PTPRD: variants seen among roughly 807,000 people sequenced by gnomAD.
The protein encoded by PTPRD is protein tyrosine phosphatase receptor type D, also known as receptor-type tyrosine-protein phosphatase delta.
A neutral mutation model predicts 214.5 loss-of-function variants in PTPRD; 34 were observed. The observed-to-expected ratio is 0.16, with a 90% CI of 0.12 to 0.21. PTPRD has a LOEUF of 0.21. Ranked by LOEUF, PTPRD falls within the 10% of genes least tolerant of loss-of-function variation. PTPRD has a pLI of 1.00. For missense variants in PTPRD, 2,545 were observed against 2,398.7 expected, an observed-to-expected ratio of 1.06 and a Z score of -1.27; for synonymous variants, 1,128 against 845.7, an observed-to-expected ratio of 1.33 and a Z score of -5.79.
chr9:9,587,204 G>A (rs1401428951), intron 7 of PTPRD, among the ~76,000 whole-genome samples: 2 of 151,884 alleles, frequency 1.3e-5, no homozygotes, highest in Non-Finnish European at 2.9e-5. Context: ...CTTAACTTAA[G>A]GAGGCCTAAA....
intron 39 of PTPRD, among the ~76,000 whole-genome samples, chr9:8,367,162 T>A (rs2080141462): frequency 6.6e-6 from 1 of 152,208 alleles, no homozygotes; most frequent in African/African-American, 2.4e-5. Context: ...TAAAAGGTTA[T>A]AATTAAAGTA....
At chr9:9,999,804 G>A (rs755567383) in intron 4 of PTPRD, among the ~76,000 whole-genome samples, 44 of 152,204 alleles carry the variant, frequency 2.9e-4, no homozygotes, top group Admixed American at 1.3e-3. Context: ...AAGTTTGACG[G>A]GACTTTTTAC....
At chr9:9,140,160 G>C (rs80043456) in intron 10 of PTPRD, among the ~76,000 whole-genome samples, 5,508 of 150,818 alleles carry the variant, frequency 0.037, 349 homozygotes, top group African/African-American at 0.13. Flanking sequence ...TCCCTTCATA[G>C]GAGTTGGGTC....
chr9:8,920,089 C>T (rs1050224559), intron 11 of PTPRD, among the ~76,000 whole-genome samples: 1 of 151,998 alleles, frequency 6.6e-6, no homozygotes, highest in Non-Finnish European at 1.5e-5. Flanking sequence ...AGCTGTAATC[C>T]TAGCACTTTG....
Position 8,632,121 on chromosome 9 carries a change from T to TTGTGTGTGTG in PTPRD, c.352+1186_352+1195dup, listed in dbSNP as rs146691738. 5.1e-3 allele frequency among the ~76,000 whole-genome samples: 742 copies of TTGTGTGTGTG among 144,670 alleles called. 3 individuals carry two copies. Among genetic ancestry groups the TTGTGTGTGTG allele is most frequent in the Admixed American group, 0.026 (378 of 14,366 alleles). 94.9% of individuals were successfully genotyped at this position (144,670 alleles called of 152,430 possible). ...TTTCTCAGCCTCTTGAATTGCTTCT[T>TTGTGTGTGTG]TGTGTGTGTGTGTGTGTGTGTGTGT... is the stretch of plus-strand genomic sequence containing the variant. On this transcript the variant is annotated intron_variant, in intron 14 of 45. Coordinates refer to ENST00000381196, the MANE Select transcript of PTPRD (RefSeq NM_002839.4).
At chr9:9,739,256 A>C (rs370369723) in intron 6 of PTPRD, among the ~76,000 whole-genome samples, 3 of 152,214 alleles carry the variant, frequency 2.0e-5, no homozygotes, top group South Asian at 4.1e-4. Context: ...CCTTGTCTTT[A>C]TCTCAAAAGG....
At chr9:8,752,325 A>C (rs1299970957) in intron 11 of PTPRD, among the ~76,000 whole-genome samples, 1 of 152,136 alleles carries the variant, frequency 6.6e-6, no homozygotes, top group Non-Finnish European at 1.5e-5. Flanking sequence ...TCACTGCTAC[A>C]CTTTCAACAG....
intron 12 of PTPRD, among the ~76,000 whole-genome samples, chr9:8,651,764 T>C (rs189545100): frequency 7.9e-5 from 12 of 152,302 alleles, no homozygotes; most frequent in Admixed American, 5.2e-4. Context: ...TTGGCCAATC[T>C]TTTTGTTACC....
intron 11 of PTPRD, among the ~76,000 whole-genome samples, chr9:8,774,672 T>C (rs1463762583): frequency 3.3e-5 from 5 of 151,702 alleles, no homozygotes; most frequent in African/African-American, 7.3e-5. Context: ...GTAGCTGGGA[T>C]TACAGGCATG....
intron 3 of PTPRD, among the ~76,000 whole-genome samples, chr9:10,252,866 C>A (rs1225257713): frequency 6.6e-6 from 1 of 152,088 alleles, no homozygotes; most frequent in Admixed American, 6.6e-5. Flanking sequence ...TCACTGCAAC[C>A]TCCGCCTCCC....
intron 11 of PTPRD, among the ~76,000 whole-genome samples, chr9:8,751,260 C>T (rs2093494984): frequency 6.6e-6 from 1 of 152,004 alleles, no homozygotes. Context: ...AAGTAAAGTA[C>T]CTGACATTAG....
At chr9:8,528,845 C>G (rs2139497634) in intron 14 of PTPRD, 66 bp from the exon 15 acceptor site, 1 of 1,501,900 alleles carries the variant, frequency 6.7e-7, no homozygotes, top group South Asian at 1.2e-5. Flanking sequence ...CAAGAGATTC[C>G]CCAGAAATCT....
intron 11 of PTPRD, among the ~76,000 whole-genome samples, chr9:8,879,937 C>CT: frequency 6.6e-6 from 1 of 152,286 alleles, no homozygotes; most frequent in Admixed American, 6.5e-5. Context: ...GGAGCAACCT[C>CT]TTGGCAGAAA....
intron 3 of PTPRD, among the ~76,000 whole-genome samples, chr9:10,050,209 G>A (rs914109370): frequency 6.6e-6 from 1 of 151,822 alleles, no homozygotes; most frequent in African/African-American, 2.4e-5. Context: ...TATGTTTCAG[G>A]GGCAGTAGGT....
intron 7 of PTPRD, among the ~76,000 whole-genome samples, chr9:9,667,941 A>T (rs933796451): frequency 2.0e-5 from 3 of 152,164 alleles, no homozygotes; most frequent in African/African-American, 7.2e-5. Context: ...ATATTTCTAA[A>T]TAAAGACTTA....
At chr9:8,331,529 C>G (rs1841079992) in intron 44 of PTPRD, 53 bp downstream of exon 44, 1 of 1,571,146 alleles carries the variant, frequency 6.4e-7, no homozygotes, top group Non-Finnish European at 8.6e-7. Flanking sequence ...TGTATACAGA[C>G]AATGAAGAAA....
intron 2 of PTPRD, among the ~76,000 whole-genome samples, chr9:10,454,527 A>T (rs1401101272): frequency 1.3e-5 from 2 of 151,730 alleles, no homozygotes; most frequent in Non-Finnish European, 3.0e-5. Context: ...TGTAACTCAC[A>T]GTAGACTATG....
At chr9:9,028,698 T>C (rs1191985354) in intron 10 of PTPRD, among the ~76,000 whole-genome samples, 3 of 151,934 alleles carry the variant, frequency 2.0e-5, no homozygotes, top group Non-Finnish European at 2.9e-5. Flanking sequence ...ATATTGGCAG[T>C]CTGGCTAGGG....
chr9:9,472,251 C>T (rs1340846648), intron 8 of PTPRD, among the ~76,000 whole-genome samples: 3 of 137,744 alleles, frequency 2.2e-5, no homozygotes, highest in East Asian at 4.3e-4. Context: ...GGCCGGACTG[C>T]GGACCGCAGT....
Sources: gnomAD v4.1 joint callset for allele counts (sites outside exome capture counted in the v4.1 genomes callset) on GRCh38, gnomAD v4.1.1 for gene constraint, MANE v1.5 for transcripts, NCBI Gene and HGNC (gene_info 2026-07-23, HGNC 2026-07-21) for gene names.